Variants in MED12L observed in about 807,000 individuals in gnomAD.
MED12L encodes mediator complex subunit 12L, also known as mediator of RNA polymerase II transcription subunit 12-like protein.
A neutral mutation model predicts 281.3 loss-of-function variants in MED12L; 60 were observed. That is an observed-to-expected ratio of 0.21 (90% CI 0.17 to 0.26). The LOEUF is 0.26. Ranked by LOEUF, MED12L falls within the 10% of genes least tolerant of loss-of-function variation. The probability of loss-of-function intolerance (pLI) is 1.00; values close to 1 mark genes in which losing one functional copy is unlikely to be tolerated. For missense variants in MED12L, 2,146 were observed against 2,680.9 expected (o/e 0.80, Z 4.41); for synonymous variants, 974 against 987.2 (o/e 0.99, Z 0.25).
At chr3:151,169,142 G>C (rs1243141087) in intron 11 of MED12L, among the ~76,000 whole-genome samples, 2 of 139,088 alleles carry the variant, frequency 1.4e-5, no homozygotes, top group African/African-American at 5.4e-5. Context: ...TTTTGAGACG[G>C]AGTCTCTGTC....
intron 27 of MED12L, among the ~76,000 whole-genome samples, chr3:151,373,602 A>G (rs1756450090): frequency 1.3e-5 from 2 of 149,560 alleles, no homozygotes. Context: ...TCATAATATC[A>G]GTTTGTGTCC....
chr3:151,377,113 C>T lies in MED12L; in HGVS notation c.4251C>T (p.Asn1417=), dbSNP rs150380576. 4.5e-5 allele frequency: 73 copies of T among 1,614,004 alleles called. No individual in the cohort carries two copies. In the African/African-American group the frequency reaches 7.7e-4, roughly 17 times the overall value. ...NSSNSGMSLF[N]PNSIGSADTS... ...CTAATTCTGGCATGAGCCTCTTCAA[C>T]CCAAACAGTATTGGAAGTGCTGATA... is the stretch of plus-strand genomic sequence containing the variant. Residue 1417 remains asparagine (N), a synonymous_variant, in exon 30 of 45, where the codon AAC becomes AAT. Coordinates refer to ENST00000687756, the MANE Select transcript of MED12L (RefSeq NM_001393769.1).
chr3:151,347,696 A>G (rs13066236), intron 16 of MED12L, among the ~76,000 whole-genome samples: 89 of 152,272 alleles, frequency 5.8e-4, no homozygotes, highest in Admixed American at 1.6e-3. Context: ...GGGGATGTGC[A>G]GAGGAGGAGG....
rs951130520 is a variant in MED12L, at chr3:151,382,650, T to A, written c.4591-6T>A. The A allele has an allele frequency of 1.2e-6, 2 of 1,601,732 alleles. No individual in the cohort carries two copies. Among genetic ancestry groups the A allele is most frequent in the African/African-American group, 2.7e-5 (2 of 74,340 alleles). On this transcript the variant is annotated splice_polypyrimidine_tract_variant and splice_region_variant and intron_variant, in intron 32 of 44. Coordinates refer to ENST00000687756, the MANE Select transcript of MED12L (RefSeq NM_001393769.1). ...CTTTAATGGGGAGTTTTTTTCCGGA[T>A]CTTAGATTTTAAGTAACTGGAGAGA... is the stretch of plus-strand genomic sequence containing the variant.
rs377272911 is a variant in MED12L at position 151,249,237 on chromosome 3, A to G, written c.2250+55571A>G. 1.1e-4 allele frequency: 17 copies of G among 152,230 alleles called. No individual in the cohort carries two copies. The East Asian group carries it at 1.5e-3, about 14-fold the overall frequency. The allele number at this position is 152,230 out of a possible 1,614,324, so 9.4% of individuals were successfully genotyped here. ...TGAGCAAGTGAGAGCTCCAGCCAGC[A>G]GGAAGATAGATCTTTCCCATGCTTG... On this transcript the variant is annotated intron_variant, in intron 16 of 44. Transcript: ENST00000687756.
chr3:151,153,347 G>A (rs1468100519), intron 5 of MED12L, among the ~76,000 whole-genome samples: 1 of 152,088 alleles, frequency 6.6e-6, no homozygotes, highest in African/African-American at 2.4e-5. Context: ...TAACATTCAT[G>A]ATCATAAACT....
chr3:151,357,532 G>T (rs922999832), intron 20 of MED12L, among the ~76,000 whole-genome samples, 156 bp downstream of exon 20: 8 of 152,116 alleles, frequency 5.3e-5, no homozygotes, highest in African/African-American at 1.9e-4. Flanking sequence ...CGATCAAAAA[G>T]GTCTAAGCAT....
intron 16 of MED12L, among the ~76,000 whole-genome samples, chr3:151,322,384 T>C (rs1348881426): frequency 1.3e-5 from 2 of 151,638 alleles, no homozygotes; most frequent in Non-Finnish European, 2.9e-5. Context: ...TTTTGTAGAG[T>C]TGCGGTTTTA....
chr3:151,408,581 A>G (rs184441067), intron 39 of MED12L, among the ~76,000 whole-genome samples: 4 of 152,270 alleles, frequency 2.6e-5, no homozygotes, highest in Admixed American at 1.3e-4. Flanking sequence ...CACACATACC[A>G]TTGCTCTTGT....
In MED12L at chr3:151,267,657, G is replaced by A. The variant is rs143067388; in HGVS notation, c.2250+73991G>A. 2.4e-4 allele frequency among the ~76,000 whole-genome samples: 36 copies of A among 152,268 alleles called. No homozygotes were observed. The East Asian group carries it at 6.9e-3, about 29-fold the overall frequency. ...AGGCTATAGAAAATGTCTCTTGAGA[G>A]TAATATCTTGTAACATGTATTACTT... is the stretch of plus-strand genomic sequence containing the variant. On this transcript the variant is annotated intron_variant, in intron 16 of 44. Transcript: ENST00000687756.
chr3:151,382,445 A>T (rs1416299859), intron 32 of MED12L, among the ~76,000 whole-genome samples: 4 of 152,152 alleles, frequency 2.6e-5, no homozygotes, highest in Non-Finnish European at 4.4e-5. Context: ...ATTATATAAG[A>T]TTTTCTTCCT....
intron 16 of MED12L, among the ~76,000 whole-genome samples, chr3:151,210,129 C>G (rs1726927772): frequency 6.6e-6 from 1 of 152,258 alleles, no homozygotes; most frequent in East Asian, 1.9e-4. Context: ...TCATGGCACA[C>G]CCTCCAGATA....
chr3:151,348,939 T>C (rs1284506995), intron 16 of MED12L, among the ~76,000 whole-genome samples: 1 of 152,232 alleles, frequency 6.6e-6, no homozygotes, highest in Admixed American at 6.5e-5. Flanking sequence ...ACAGTGCAGT[T>C]TGTTTTCTCT....
At chr3:151,212,129 ATTTCT>A (rs1392477295) in intron 16 of MED12L, 1 of 152,244 alleles carries the variant, frequency 6.6e-6, no homozygotes, top group African/African-American at 2.4e-5. Context: ...GTATTAAAAC[ATTTCT>A]TTATTAGTAT....
intron 16 of MED12L, chr3:151,336,509 AT>A (rs1560043365): frequency 2.2e-6 from 1 of 456,532 alleles, no homozygotes; most frequent in Admixed American, 2.3e-5. Flanking sequence ...ATATTTAGGT[AT>A]TGATGTCTGT....
intron 16 of MED12L, among the ~76,000 whole-genome samples, chr3:151,283,830 A>G (rs1229993006): frequency 6.6e-6 from 1 of 152,242 alleles, no homozygotes; most frequent in African/African-American, 2.4e-5. Context: ...ATATTATCCC[A>G]AGTGTATTAA....
intron 16 of MED12L, among the ~76,000 whole-genome samples, chr3:151,275,701 TA>T (rs1400301283): frequency 6.6e-6 from 1 of 152,156 alleles, no homozygotes; most frequent in African/African-American, 2.4e-5. Flanking sequence ...AAATTCCCTG[TA>T]AAGAAGAACC....
chr3:151,129,715 TTGTGTGTGTGTGTGTG>T (rs62785262), intron 5 of MED12L, among the ~76,000 whole-genome samples: 116 of 147,648 alleles, frequency 7.9e-4, no homozygotes, highest in Non-Finnish European at 1.3e-3. Context: ...ATATCTACAT[TTGTGTGTGTGTGTGTG>T]TGTGTGTGTG....
At chr3:151,224,859 C>A (rs1047087665) in intron 16 of MED12L, among the ~76,000 whole-genome samples, 4 of 152,148 alleles carry the variant, frequency 2.6e-5, no homozygotes, top group African/African-American at 9.7e-5. Flanking sequence ...TATAGTGTAA[C>A]CTTTGCCTCC....
Sources: gnomAD v4.1 joint callset for allele counts (sites outside exome capture counted in the v4.1 genomes callset) on GRCh38, gnomAD v4.1.1 for gene constraint, MANE v1.5 for transcripts, NCBI Gene and HGNC (gene_info 2026-07-23, HGNC 2026-07-21) for gene names.